PRKD1: variants seen among roughly 807,000 people sequenced by gnomAD.
PRKD1 encodes the protein serine/threonine-protein kinase D1.
PRKD1 carries 63 observed loss-of-function variants against 95.9 expected under a neutral mutation model. The observed-to-expected ratio is 0.66, with a 90% CI of 0.54 to 0.81. The LOEUF (loss-of-function observed/expected upper bound fraction) is 0.81. PRKD1 is among the 30% of genes least tolerant of loss of function. The pLI is 0.00. For missense variants in PRKD1, 1,048 were observed against 1,165.3 expected, an observed-to-expected ratio of 0.90 and a Z score of 1.47; for synonymous variants, 425 against 423.1, an observed-to-expected ratio of 1.00 and a Z score of -0.05.
intron 1 of PRKD1, among the ~76,000 whole-genome samples, chr14:29,839,278 A>T (rs1891734608): frequency 6.6e-6 from 1 of 152,216 alleles, no homozygotes; most frequent in African/African-American, 2.4e-5. Flanking sequence ...CCAATGGCAG[A>T]GCTTTTGATG....
intron 2 of PRKD1, among the ~76,000 whole-genome samples, chr14:29,689,245 A>G (rs1884086291): frequency 6.6e-6 from 1 of 151,656 alleles, no homozygotes; most frequent in Non-Finnish European, 1.5e-5. Flanking sequence ...CAGAGTCTAC[A>G]AGAAACTTAA....
At chr14:29,825,781 A>G (rs891294635) in intron 1 of PRKD1, among the ~76,000 whole-genome samples, 1 of 152,104 alleles carries the variant, frequency 6.6e-6, no homozygotes, top group Non-Finnish European at 1.5e-5. Context: ...ATGTTAAACT[A>G]AATTATGAGA....
At chr14:29,842,132 T>C (rs1163895375) in intron 1 of PRKD1, among the ~76,000 whole-genome samples, 1 of 152,220 alleles carries the variant, frequency 6.6e-6, no homozygotes, top group East Asian at 1.9e-4. Flanking sequence ...TCTTCTATGA[T>C]AACAATGCTT....
At chr14:29,786,783 A>G (rs1889293589) in intron 1 of PRKD1, among the ~76,000 whole-genome samples, 1 of 152,034 alleles carries the variant, frequency 6.6e-6, no homozygotes, top group East Asian at 1.9e-4. Context: ...ATCTTTTCAA[A>G]AAAAAGCTTT....
intron 1 of PRKD1, among the ~76,000 whole-genome samples, chr14:29,788,272 G>A (rs1270101393): frequency 6.6e-6 from 1 of 152,096 alleles, no homozygotes; most frequent in African/African-American, 2.4e-5. Context: ...GGTTTCTGCT[G>A]AGAAATCCAC....
chr14:29,651,247 AG>A, intron 4 of PRKD1, among the ~76,000 whole-genome samples: 1 of 152,346 alleles, frequency 6.6e-6, no homozygotes, highest in East Asian at 1.9e-4. Context: ...AATACAGAAA[AG>A]CACTCACTCA....
intron 4 of PRKD1, among the ~76,000 whole-genome samples, chr14:29,659,922 T>A (rs1882097865): frequency 6.6e-6 from 1 of 152,218 alleles, no homozygotes; most frequent in Admixed American, 6.5e-5. Context: ...CATATTTTGA[T>A]TAAAATAATT....
chr14:29,731,821 C>T (rs772014184), intron 1 of PRKD1, among the ~76,000 whole-genome samples: 4 of 151,094 alleles, frequency 2.6e-5, no homozygotes, highest in Admixed American at 6.6e-5. Flanking sequence ...GTTGTACACA[C>T]GTATATATGA....
At chr14:29,871,584 C>T (rs1351425792) in intron 1 of PRKD1, among the ~76,000 whole-genome samples, 1 of 152,128 alleles carries the variant, frequency 6.6e-6, no homozygotes, top group African/African-American at 2.4e-5. Context: ...ATAAGTGTAA[C>T]TAATGTAGGA....
chr14:29,713,993 G>C (rs1386873948), intron 2 of PRKD1, among the ~76,000 whole-genome samples: 1 of 152,070 alleles, frequency 6.6e-6, no homozygotes, highest in Admixed American at 6.6e-5. Flanking sequence ...AATTAAATAA[G>C]ATATAGAAAA....
intron 2 of PRKD1, 121 bp from the exon 3 acceptor site, chr14:29,666,329 T>A: frequency 9.3e-7 from 1 of 1,076,540 alleles, no homozygotes; most frequent in African/African-American, 1.6e-5. Flanking sequence ...TTAGGGAAGA[T>A]AAGATGCAAC....
intron 8 of PRKD1, among the ~76,000 whole-genome samples, chr14:29,633,629 C>T (rs1295119115): frequency 6.6e-6 from 1 of 151,982 alleles, no homozygotes; most frequent in African/African-American, 2.4e-5. Flanking sequence ...TATAAAAGAC[C>T]CCAAAGCTCT....
intron 1 of PRKD1, among the ~76,000 whole-genome samples, chr14:29,749,317 G>A (rs546805918): frequency 6.6e-6 from 1 of 152,126 alleles, no homozygotes. Context: ...AAGGAGGGGT[G>A]GTAAACCAGT....
intron 1 of PRKD1, among the ~76,000 whole-genome samples, chr14:29,804,836 T>C (rs1890172499): frequency 6.6e-6 from 1 of 152,166 alleles, no homozygotes; most frequent in Non-Finnish European, 1.5e-5. Context: ...AAACTCCCAG[T>C]AGACCTAAGC....
chr14:29,585,246 C>T (rs35367745), intron 16 of PRKD1, among the ~76,000 whole-genome samples: 2,672 of 152,242 alleles, frequency 0.018, 112 homozygotes, highest in South Asian at 0.15. Context: ...CTGGGACGCT[C>T]CTCTCAGGGA....
At chr14:29,907,182 T>C (rs544683724) in intron 1 of PRKD1, among the ~76,000 whole-genome samples, 99 of 152,300 alleles carry the variant, frequency 6.5e-4, no homozygotes, top group Non-Finnish European at 1.3e-3. Flanking sequence ...GAGAGGACTA[T>C]CAAATCCCCA....
At chr14:29,883,096 A>C (rs1893573109) in intron 1 of PRKD1, among the ~76,000 whole-genome samples, 1 of 152,180 alleles carries the variant, frequency 6.6e-6, no homozygotes, top group Non-Finnish European at 1.5e-5. Flanking sequence ...GTGGAAGGTG[A>C]GGCAGGAGCA....
At chr14:29,897,109 C>T (rs1433117941) in intron 1 of PRKD1, among the ~76,000 whole-genome samples, 2 of 151,784 alleles carry the variant, frequency 1.3e-5, no homozygotes, top group Non-Finnish European at 2.9e-5. Context: ...TGTATCTATA[C>T]AAATTTTTAA....
chr14:29,577,332 G>A lies in PRKD1; in HGVS notation c.2645C>T (p.Thr882Ile). The change falls in exon 18 of 18, where the codon ACA becomes ATA. Residue 882 changes from threonine (T) to isoleucine (I), a missense_variant. By Grantham distance (89) the Thr-to-Ile change is moderately conservative. This residue lies in a region of PRKD1 where 739 missense variants were observed against 861.9 expected (regional missense o/e 0.86). Coordinates refer to ENST00000331968, the MANE Select transcript of PRKD1 (RefSeq NM_002742.3). Reference sequence around the variant, plus strand: ...GCTAGCACTTGGATTGATCAGGTGTGTGGGGTACTGCAGCCCCTGCTCGCC... The same window carrying A: ...GCTAGCACTTGGATTGATCAGGTGTATGGGGTACTGCAGCCCCTGCTCGCC... The part of the protein sequence containing the change: ...YAGEQGLQYP[T>I]HLINPSASHS... 6.2e-7 allele frequency: 1 copy of A among 1,613,846 alleles called. No individual in the cohort carries two copies. The highest frequency in any genetic ancestry group is 1.1e-5 in the South Asian group (1 of 91,082).
Sources: gnomAD v4.1 joint callset for allele counts (sites outside exome capture counted in the v4.1 genomes callset) on GRCh38, gnomAD v4.1.1 for gene constraint, gnomAD v4.1.1 regional missense constraint, MANE v1.5 for transcripts, NCBI Gene and HGNC (gene_info 2026-07-23, HGNC 2026-07-21) for gene names.